MCC: variants seen among roughly 807,000 people sequenced by gnomAD.
MCC encodes the protein MCC regulator of Wnt signaling pathway.
MCC carries 90 observed loss-of-function variants against 116.2 expected under a neutral mutation model. The observed-to-expected ratio is 0.77, with a 90% CI of 0.65 to 0.92. MCC has a LOEUF of 0.92. Ranked by LOEUF, MCC falls within the 40% of genes least tolerant of loss-of-function variation. MCC has a pLI of 0.00. For synonymous variants in MCC, 578 were observed against 510.5 expected (o/e 1.13, Z -1.78); for missense variants, 1,516 against 1,312.2 (o/e 1.16, Z -2.40).
chr5:113,248,595 A>T (rs1037980189), intron 3 of MCC, among the ~76,000 whole-genome samples: 3 of 152,130 alleles, frequency 2.0e-5, no homozygotes, highest in Non-Finnish European at 4.4e-5. Context: ...CTGCTTCCCA[A>T]ATTTCCCTAG....
At chr5:113,477,180 T>G (rs539684350) in intron 1 of MCC, among the ~76,000 whole-genome samples, 1 of 152,312 alleles carries the variant, frequency 6.6e-6, no homozygotes, top group Non-Finnish European at 1.5e-5. Context: ...CTCAATAATA[T>G]TAGCTATTAA....
chr5:113,218,019 ATAGTT>A (rs1420705373), intron 3 of MCC, among the ~76,000 whole-genome samples: 2 of 150,914 alleles, frequency 1.3e-5, no homozygotes, highest in Non-Finnish European at 3.0e-5. Context: ...GACACTGTAA[ATAGTT>A]TAGTTTAGAA....
At chr5:113,436,031 G>A (rs1770847699) in intron 1 of MCC, 1 of 152,460 alleles carries the variant, frequency 6.6e-6, no homozygotes, top group African/African-American at 2.4e-5. Context: ...TCCTAGCCTT[G>A]GATTTGACTT....
intron 3 of MCC, among the ~76,000 whole-genome samples, chr5:113,160,699 A>C (rs1227669884): frequency 6.6e-6 from 1 of 152,230 alleles, no homozygotes; most frequent in Non-Finnish European, 1.5e-5. Context: ...TATTCTGTTA[A>C]GAGAAGAAAG....
At position 113,433,853 on chromosome 5, in the gene MCC, C is replaced by G. The variant is rs1770751060; in HGVS notation, c.171-48641G>C. On this transcript the variant is annotated intron_variant, in intron 1 of 18. Coordinates refer to ENST00000408903, the MANE Select transcript of MCC (RefSeq NM_001085377.2). ...GCCTGGACATTTGCATTGCTGTCCC[C>G]TCGGGTTTTGTCTCAGGCTGTGCCT... The G allele has an allele frequency of 6.8e-6, 11 of 1,613,880 alleles. No homozygotes were observed. The highest frequency in any genetic ancestry group is 1.3e-5 in the African/African-American group (1 of 74,938).
At chr5:113,348,629 C>T (rs1404616113) in intron 2 of MCC, among the ~76,000 whole-genome samples, 1 of 151,782 alleles carries the variant, frequency 6.6e-6, no homozygotes, top group Non-Finnish European at 1.5e-5. Flanking sequence ...AAATAAACAA[C>T]CTAATGGTGC....
At chr5:113,223,000 T>G (rs959401116) in intron 3 of MCC, among the ~76,000 whole-genome samples, 4 of 152,198 alleles carry the variant, frequency 2.6e-5, no homozygotes, top group Non-Finnish European at 5.9e-5. Context: ...GCTCAGATAT[T>G]TTTCTGCAGG....
intron 6 of MCC, among the ~76,000 whole-genome samples, chr5:113,116,544 C>T (rs12109548): frequency 0.28 from 42,579 of 152,074 alleles, 7,680 homozygotes; most frequent in South Asian, 0.4. Context: ...TTCATGAATC[C>T]CAAGAATTGT....
intron 3 of MCC, among the ~76,000 whole-genome samples, chr5:113,255,937 A>G (rs1342178347): frequency 6.6e-6 from 1 of 152,222 alleles, no homozygotes; most frequent in African/African-American, 2.4e-5. Context: ...AAATCCTAAA[A>G]TCCAAAAGCG....
At chr5:113,096,825 G>A (rs1756054760) in intron 8 of MCC, among the ~76,000 whole-genome samples, 1 of 152,138 alleles carries the variant, frequency 6.6e-6, no homozygotes, top group South Asian at 2.1e-4. Context: ...ACCTGTTATT[G>A]CAGAAAAATC....
chr5:113,173,854 T>C (rs1438912795), intron 3 of MCC, among the ~76,000 whole-genome samples: 1 of 152,194 alleles, frequency 6.6e-6, no homozygotes, highest in Non-Finnish European at 1.5e-5. Flanking sequence ...TAACCCTGAA[T>C]GCACTTGGTG....
intron 3 of MCC, among the ~76,000 whole-genome samples, chr5:113,278,688 G>A (rs1765921951): frequency 6.6e-6 from 1 of 152,204 alleles, no homozygotes; most frequent in Non-Finnish European, 1.5e-5. Flanking sequence ...AATCAGCGGT[G>A]TTGGCTGGAG....
intron 3 of MCC, among the ~76,000 whole-genome samples, chr5:113,303,574 T>C (rs1218640110): frequency 6.6e-6 from 1 of 152,130 alleles, no homozygotes; most frequent in East Asian, 1.9e-4. Context: ...CTTGAGAGAA[T>C]CAATGTCATT....
At chr5:113,038,882 C>T (rs565362939) in intron 17 of MCC, among the ~76,000 whole-genome samples, 55 of 152,320 alleles carry the variant, frequency 3.6e-4, no homozygotes, top group African/African-American at 1.2e-3. Context: ...TGTGATTTGT[C>T]GATTGCCTTA....
Position 113,488,436 on chromosome 5 carries a change from G to T in MCC, c.-22C>A. 7.2e-7 allele frequency: 1 copy of T among 1,397,558 alleles called. No homozygotes were observed. Among genetic ancestry groups the T allele is most frequent in the Non-Finnish European group, 9.2e-7 (1 of 1,089,992 alleles). 86.6% of individuals were successfully genotyped at this position (1,397,558 alleles called of 1,614,324 possible). A position where few individuals can be genotyped will look rare whatever the true frequency, so the allele number is the denominator to read the frequency against. On this transcript the variant is annotated 5_prime_UTR_variant, in exon 1 of 19. Transcript: ENST00000408903. ...TCATGCGCCCGCTCCCTACTTGGGAGGAGGAGTACGCGCGACCGCAGCTGG... is the reference window on the plus strand; with the variant it reads ...TCATGCGCCCGCTCCCTACTTGGGATGAGGAGTACGCGCGACCGCAGCTGG...
chr5:113,473,161 T>C (rs942607423), intron 1 of MCC, among the ~76,000 whole-genome samples: 3 of 152,206 alleles, frequency 2.0e-5, no homozygotes, highest in Non-Finnish European at 1.5e-5. Flanking sequence ...GAGGGATAGC[T>C]TATGAAAAGT....
chr5:113,054,226 A>G (rs1218666312), intron 14 of MCC, among the ~76,000 whole-genome samples: 1 of 152,244 alleles, frequency 6.6e-6, no homozygotes, highest in African/African-American at 2.4e-5. Flanking sequence ...CACAGAAGCA[A>G]AAAGATACAC....
intron 2 of MCC, among the ~76,000 whole-genome samples, chr5:113,355,321 A>C (rs1286001632): frequency 1.3e-5 from 2 of 152,158 alleles, no homozygotes; most frequent in Non-Finnish European, 2.9e-5. Flanking sequence ...ATTACCTTTT[A>C]AAACTGTAAT....
intron 3 of MCC, among the ~76,000 whole-genome samples, chr5:113,322,236 G>A (rs2150371591): frequency 6.6e-6 from 1 of 152,184 alleles, no homozygotes; most frequent in East Asian, 1.9e-4. Context: ...TGGCTTCCTT[G>A]ACTTTACCAT....
Sources: gnomAD v4.1 joint callset for allele counts (sites outside exome capture counted in the v4.1 genomes callset) on GRCh38, gnomAD v4.1.1 for gene constraint, MANE v1.5 for transcripts, NCBI Gene and HGNC (gene_info 2026-07-23, HGNC 2026-07-21) for gene names.